RAB31: variants seen among roughly 807,000 people sequenced by gnomAD.
RAB31 encodes RAB31, member RAS oncogene family, also known as ras-related protein Rab-31.
Under a neutral mutation model 25.6 loss-of-function variants are expected in RAB31, and 21 were observed. The observed-to-expected ratio is 0.82, with a 90% CI of 0.58 to 1.18. RAB31 has a LOEUF of 1.18. RAB31 is among the 50% of genes most tolerant of loss of function. RAB31 has a pLI of 0.00. For synonymous variants in RAB31, 87 were observed against 84.0 expected (o/e 1.04, Z -0.20); for missense variants, 196 against 250.1 (o/e 0.78, Z 1.46).
At position 9,859,278 on chromosome 18, in the gene RAB31, A is replaced by C; in HGVS notation, c.541A>C (p.Ile181Leu). Residue 181 changes from isoleucine (I) to leucine (L), a missense_variant, in exon 7 of 7, where the codon ATC becomes CTC. Ile to Leu is a conservative substitution (Grantham distance 5, BLOSUM62 2). Coordinates refer to ENST00000578921, the MANE Select transcript of RAB31 (RefSeq NM_006868.4). ...CCATGAAAATGGAAACAATGGAACA[A>C]TCAAAGTTGAGAAGCCAACCATGCA... is the stretch of plus-strand genomic sequence containing the variant. ...DPHENGNNGT[I>L]KVEKPTMQAS... The C allele has an allele frequency of 1.2e-6, 2 of 1,613,934 alleles. No homozygotes were observed. The highest frequency in any genetic ancestry group is 8.5e-7 in the Non-Finnish European group (1 of 1,179,836).
intron 1 of RAB31, among the ~76,000 whole-genome samples, chr18:9,756,213 C>T (rs936057770): frequency 2.6e-5 from 4 of 152,070 alleles, no homozygotes; most frequent in Admixed American, 6.5e-5. Context: ...TCATGCAGTG[C>T]GATCAAGTAT....
intron 1 of RAB31, chr18:9,757,947 T>C (rs1270946245): frequency 2.0e-5 from 3 of 152,252 alleles, no homozygotes. Context: ...GTACTTACCA[T>C]AAATCTTGTC....
At chr18:9,835,337 C>G (rs540943414) in intron 5 of RAB31, among the ~76,000 whole-genome samples, 16 of 151,492 alleles carry the variant, frequency 1.1e-4, no homozygotes, top group Non-Finnish European at 2.1e-4. Flanking sequence ...ACAACTCTTT[C>G]CAGTGGTTCT....
intron 2 of RAB31, among the ~76,000 whole-genome samples, chr18:9,786,513 T>G (rs879712066): frequency 2.0e-5 from 3 of 152,318 alleles, no homozygotes; most frequent in East Asian, 1.9e-4. Flanking sequence ...CTGGTGTCTG[T>G]GGAGGAGCAC....
At chr18:9,709,488 G>C (rs897998462) in intron 1 of RAB31, among the ~76,000 whole-genome samples, 1 of 152,190 alleles carries the variant, frequency 6.6e-6, no homozygotes, top group African/African-American at 2.4e-5. Flanking sequence ...TGTCAAGATG[G>C]GGGTACAAGA....
intron 3 of RAB31, among the ~76,000 whole-genome samples, chr18:9,792,850 T>A (rs2068468178): frequency 6.6e-6 from 1 of 152,198 alleles, no homozygotes; most frequent in Admixed American, 6.5e-5. Context: ...CAGGTAGGCT[T>A]AGCGCCCCAA....
intron 1 of RAB31, among the ~76,000 whole-genome samples, chr18:9,750,995 A>T (rs770182509): frequency 1.3e-5 from 2 of 152,090 alleles, no homozygotes; most frequent in Non-Finnish European, 2.9e-5. Context: ...CTTTCCTAGC[A>T]CATGTATTTT....
intron 2 of RAB31, among the ~76,000 whole-genome samples, chr18:9,779,794 C>T (rs2068392629): frequency 6.6e-6 from 1 of 152,172 alleles, no homozygotes. Context: ...TCAATAGAAG[C>T]AGGCAGTTGT....
intron 5 of RAB31, among the ~76,000 whole-genome samples, chr18:9,841,816 G>GA (rs1301532562): frequency 6.6e-6 from 1 of 152,184 alleles, no homozygotes; most frequent in African/African-American, 2.4e-5. Flanking sequence ...AAAGCCAAGG[G>GA]AACTGCATTC....
intron 1 of RAB31, among the ~76,000 whole-genome samples, chr18:9,750,496 T>C (rs969433560): frequency 9.9e-5 from 15 of 152,172 alleles, no homozygotes; most frequent in Non-Finnish European, 2.2e-4. Flanking sequence ...TGAATCCTTT[T>C]CTGGGGGAGA....
chr18:9,855,812 A>T (rs2068813154), intron 6 of RAB31, among the ~76,000 whole-genome samples: 1 of 152,136 alleles, frequency 6.6e-6, no homozygotes, highest in African/African-American at 2.4e-5. Flanking sequence ...GTCCCGGTCC[A>T]CTAACTGAAC....
rs1021004314 is a variant in RAB31, at chr18:9,713,284, C to T, written c.39+4840C>T. On this transcript the variant is annotated intron_variant, in intron 1 of 6. Transcript: ENST00000578921. ...TCTAGTAACTTACTATTTTTTCTCC[C>T]GAGACTGGCATTTCTTGGGGAAGGG... Among the ~76,000 whole-genome samples the T allele has an allele frequency of 7.9e-5, 12 of 152,020 alleles. No homozygotes were observed. The East Asian group carries it at 1.2e-3, about 15-fold the overall frequency.
chr18:9,775,197 G>A, intron 1 of RAB31, 81 bp from the exon 2 acceptor site: 6 of 1,599,690 alleles, frequency 3.8e-6, no homozygotes, highest in South Asian at 3.3e-5. Context: ...GTGTCCTCTG[G>A]TAATCTGTGA....
intron 3 of RAB31, among the ~76,000 whole-genome samples, chr18:9,803,235 CCTTT>C (rs1167969202): frequency 6.9e-6 from 1 of 145,046 alleles, no homozygotes; most frequent in Non-Finnish European, 1.5e-5. Flanking sequence ...TTCTCTTTTT[CCTTT>C]CTTTTTTTTT....
chr18:9,805,119 G>A (rs2068533526), intron 3 of RAB31, among the ~76,000 whole-genome samples: 1 of 151,644 alleles, frequency 6.6e-6, no homozygotes, highest in Non-Finnish European at 1.5e-5. Flanking sequence ...AGCCAGGTGT[G>A]GTGACATGCA....
intron 5 of RAB31, among the ~76,000 whole-genome samples, chr18:9,823,215 A>G (rs2068632398): frequency 6.6e-6 from 1 of 151,990 alleles, no homozygotes; most frequent in Non-Finnish European, 1.5e-5. Context: ...TAGAGGATAG[A>G]TTACTGATTG....
At chr18:9,823,171 A>G (rs1030155509) in intron 5 of RAB31, among the ~76,000 whole-genome samples, 1 of 152,028 alleles carries the variant, frequency 6.6e-6, no homozygotes, top group Non-Finnish European at 1.5e-5. Context: ...AAGGTTTCAC[A>G]TTGCATGGTT....
chr18:9,842,330 T>C (rs1336146810), intron 5 of RAB31, among the ~76,000 whole-genome samples: 1 of 152,088 alleles, frequency 6.6e-6, no homozygotes, highest in East Asian at 1.9e-4. Context: ...ACCAGGCTCA[T>C]CCTGAAGAGG....
At chr18:9,848,722 A>G (rs2068774177) in intron 6 of RAB31, among the ~76,000 whole-genome samples, 1 of 152,234 alleles carries the variant, frequency 6.6e-6, no homozygotes, top group Non-Finnish European at 1.5e-5. Flanking sequence ...AAAAAATGCA[A>G]TAAAAAGTTA....
Sources: allele counts gnomAD v4.1 joint callset (sites outside exome capture counted in the v4.1 genomes callset), GRCh38; gene constraint gnomAD v4.1.1; transcripts MANE v1.5; gene names NCBI Gene and HGNC (gene_info 2026-07-23, HGNC 2026-07-21).